Variants in EPB41L2 observed in about 807,000 individuals in gnomAD.
EPB41L2 encodes erythrocyte membrane protein band 4.1 like 2.
In EPB41L2, 43 loss-of-function variants were observed where a neutral mutation model predicts 113.0. The observed-to-expected ratio is 0.38, with a 90% CI of 0.30 to 0.49. The LOEUF (loss-of-function observed/expected upper bound fraction) is 0.49, where lower values mean the gene tolerates loss of function less well. EPB41L2 is among the 20% of genes least tolerant of loss of function. EPB41L2 has a pLI of 0.95. For synonymous variants in EPB41L2, 442 were observed against 436.7 expected, an observed-to-expected ratio of 1.01 and a Z score of -0.15; for missense variants, 1,147 against 1,223.4, an observed-to-expected ratio of 0.94 and a Z score of 0.93.
At chr6:130,991,245 TG>T (rs2128695555) in intron 1 of EPB41L2, among the ~76,000 whole-genome samples, 1 of 152,268 alleles carries the variant, frequency 6.6e-6, no homozygotes, top group African/African-American at 2.4e-5. Context: ...CCATCTGCCA[TG>T]TTAGTAATGT....
At chr6:131,049,515 G>A (rs1796129756) in intron 1 of EPB41L2, among the ~76,000 whole-genome samples, 2 of 152,176 alleles carry the variant, frequency 1.3e-5, no homozygotes, top group African/African-American at 4.8e-5. Flanking sequence ...CTACCAGAGT[G>A]TAGACACTTA....
intron 3 of EPB41L2, among the ~76,000 whole-genome samples, chr6:130,940,141 T>G (rs185569463): frequency 1.3e-3 from 204 of 152,322 alleles, no homozygotes; most frequent in Middle Eastern, 3.4e-3. Context: ...TCCATAGATT[T>G]AGCAGAAGCA....
intron 3 of EPB41L2, among the ~76,000 whole-genome samples, chr6:130,940,220 C>T (rs1430479987): frequency 1.3e-5 from 2 of 152,106 alleles, no homozygotes; most frequent in Non-Finnish European, 2.9e-5. Flanking sequence ...TAGTTAATGC[C>T]AAGCCAAAGA....
chr6:131,000,156 TA>T (rs200476283), intron 1 of EPB41L2, among the ~76,000 whole-genome samples: 7,830 of 147,870 alleles, frequency 0.053, 318 homozygotes, highest in East Asian at 0.13. Flanking sequence ...AGTGGCTTTT[TA>T]AAAAAAAAAA....
intron 1 of EPB41L2, among the ~76,000 whole-genome samples, chr6:131,007,434 T>A (rs1164448388): frequency 6.6e-6 from 1 of 152,142 alleles, no homozygotes; most frequent in East Asian, 1.9e-4. Flanking sequence ...TATAGCAGCA[T>A]GCAAATGAAC....
At chr6:130,975,334 T>C (rs1219418308) in intron 1 of EPB41L2, among the ~76,000 whole-genome samples, 2 of 152,078 alleles carry the variant, frequency 1.3e-5, no homozygotes, top group African/African-American at 2.4e-5. Context: ...TTGGTTAAGG[T>C]TAGGAGGGGA....
intron 12 of EPB41L2, 139 bp from the exon 13 acceptor site, chr6:130,880,345 C>T (rs1788903492): frequency 4.7e-6 from 3 of 639,368 alleles, no homozygotes; most frequent in Non-Finnish European, 5.5e-6. Context: ...GAACTTAAAG[C>T]CACAACAAAC....
In EPB41L2 at chr6:131,010,927, C is replaced by G. The variant is rs557625557; in HGVS notation, c.-15+52228G>C. On this transcript the variant is annotated intron_variant, in intron 1 of 19. Transcript: ENST00000337057. ...CAGCATCAAAAAGGAACGTGCACAG[C>G]ACCAAGATGATCAAGCTAAGGCAAC... Among the ~76,000 whole-genome samples the G allele has an allele frequency of 2.6e-5, 4 of 152,284 alleles. No homozygotes were observed. The East Asian group carries it at 7.7e-4, about 29-fold the overall frequency.
At chr6:130,868,397 G>C (rs1301378186) in intron 15 of EPB41L2, 1 of 152,140 alleles carries the variant, frequency 6.6e-6, no homozygotes, top group Non-Finnish European at 1.5e-5. Flanking sequence ...TAACATTTTA[G>C]TCTGCCGAGT....
At chr6:131,011,856 A>T (rs767036083) in intron 1 of EPB41L2, among the ~76,000 whole-genome samples, 8 of 152,170 alleles carry the variant, frequency 5.3e-5, no homozygotes, top group Non-Finnish European at 4.4e-5. Context: ...ATGGGTGCTA[A>T]GTTAGGACTG....
At position 130,890,484 on chromosome 6, in the gene EPB41L2, A is replaced by G; in HGVS notation, c.1488-18T>C. 6.3e-7 allele frequency: 1 copy of G among 1,577,314 alleles called. No individual in the cohort carries two copies. Among genetic ancestry groups the G allele is most frequent in the Non-Finnish European group, 8.6e-7 (1 of 1,168,432 alleles). On this transcript the variant is annotated intron_variant, in intron 10 of 19. Coordinates refer to ENST00000337057, the MANE Select transcript of EPB41L2 (RefSeq NM_001431.4). ...AAACAAGCCTATGGGAGGAAAAAAA[A>G]AAAAAAAGAGAGAGAGAAAGGGGAA... is the stretch of plus-strand genomic sequence containing the variant.
chr6:130,951,279 A>AG lies in EPB41L2; in HGVS notation c.705+3825dup, dbSNP rs1482610890. 4.2e-3 allele frequency among the ~76,000 whole-genome samples: 6 copies of AG among 1,436 alleles called. No individual in the cohort carries two copies. In the South Asian group the frequency reaches 0.058, roughly 14 times the overall value. 0.9% of individuals were successfully genotyped at this position (1,436 alleles called of 152,430 possible). ...AAAAAAAAAGGAGGGGGAGGGGGGG[A>AG]GGGGAGGAGAAAAAAGATGCTCAGC... On this transcript the variant is annotated intron_variant, in intron 3 of 19. Transcript: ENST00000337057.
At chr6:130,889,194 C>A (rs62423566) in intron 11 of EPB41L2, among the ~76,000 whole-genome samples, 8 of 151,550 alleles carry the variant, frequency 5.3e-5, no homozygotes, top group Non-Finnish European at 1.2e-4. Context: ...TTAGTTCAAT[C>A]AACCAAAAAT....
At chr6:130,841,738 G>A (rs1237720737) in intron 19 of EPB41L2, among the ~76,000 whole-genome samples, 1 of 152,216 alleles carries the variant, frequency 6.6e-6, no homozygotes, top group South Asian at 2.1e-4. Flanking sequence ...AAAAAAAGGA[G>A]AGAATGAAGG....
intron 11 of EPB41L2, among the ~76,000 whole-genome samples, chr6:130,890,086 T>C (rs1045352071): frequency 1.3e-5 from 2 of 151,754 alleles, no homozygotes; most frequent in African/African-American, 4.8e-5. Flanking sequence ...AAGAAAAAAG[T>C]GTGACAGCTT....
rs186426906 is a variant in EPB41L2, at chr6:130,846,896, T to C, written c.*6-6298A>G. On this transcript the variant is annotated intron_variant, in intron 19 of 19. Coordinates refer to ENST00000337057, the MANE Select transcript of EPB41L2 (RefSeq NM_001431.4). ...ATGATATTTTACTCCTGGCTTTGCT[T>C]CCAAGTTAAATTCAATCTTACTCTT... Among the ~76,000 whole-genome samples the C allele has an allele frequency of 1.3e-5, 2 of 152,362 alleles. 1 individual carries two copies. The highest frequency in any genetic ancestry group is 3.9e-4 in the East Asian group (2 of 5,188).
intron 1 of EPB41L2, among the ~76,000 whole-genome samples, chr6:131,018,802 A>C (rs1788814486): frequency 6.6e-6 from 1 of 152,118 alleles, no homozygotes. Context: ...ACCTTTCCCT[A>C]CTGATTTATA....
chr6:130,864,442 C>T (rs544109176), intron 17 of EPB41L2, among the ~76,000 whole-genome samples: 2 of 152,298 alleles, frequency 1.3e-5, no homozygotes, highest in South Asian at 4.1e-4. Flanking sequence ...TAGACAAAGG[C>T]TGCGAGCGGG....
chr6:130,929,494 G>A (rs1805962107), intron 3 of EPB41L2, among the ~76,000 whole-genome samples: 1 of 152,062 alleles, frequency 6.6e-6, no homozygotes, highest in Non-Finnish European at 1.5e-5. Context: ...TACCCTGTCC[G>A]ACTCTCAGAT....
Sources: allele counts gnomAD v4.1 joint callset (sites outside exome capture counted in the v4.1 genomes callset), GRCh38; gene constraint gnomAD v4.1.1; transcripts MANE v1.5; gene names NCBI Gene and HGNC (gene_info 2026-07-23, HGNC 2026-07-21).